The following NR3C1 variants were observed in gnomAD, a reference collection of about 807,000 sequenced individuals.
The protein encoded by NR3C1 is nuclear receptor subfamily 3 group C member 1, also known as glucocorticoid receptor.
A neutral mutation model predicts 74.0 loss-of-function variants in NR3C1; 14 were observed. The observed-to-expected ratio is 0.19, with a 90% CI of 0.12 to 0.30. The LOEUF (loss-of-function observed/expected upper bound fraction) is 0.30. Among genes scored for constraint, NR3C1 ranks in the 10% least tolerant of loss-of-function variants. NR3C1 has a pLI of 1.00. For missense variants in NR3C1, 695 were observed against 909.8 expected, an observed-to-expected ratio of 0.76 and a Z score of 3.04; for synonymous variants, 308 against 332.5, an observed-to-expected ratio of 0.93 and a Z score of 0.80.
At chr5:143,433,717 A>G (rs148337976) in intron 1 of NR3C1, 1 of 152,082 alleles carries the variant, frequency 6.6e-6, no homozygotes, top group Non-Finnish European at 1.5e-5. Flanking sequence ...CTGAGGCCTT[A>G]CCTCTCTCAT....
chr5:143,423,540 T>A (rs1215366184), intron 1 of NR3C1, among the ~76,000 whole-genome samples: 1 of 152,054 alleles, frequency 6.6e-6, no homozygotes, highest in Non-Finnish European at 1.5e-5. Flanking sequence ...GAGAACAGTA[T>A]GAAGGTTCCT....
chr5:143,294,316 C>T (rs1816638079), intron 7 of NR3C1: 1 of 932,638 alleles, frequency 1.1e-6, no homozygotes, highest in Admixed American at 6.2e-5. Flanking sequence ...CAGCTATTAA[C>T]TCAGTATTTA....
chr5:143,326,408 T>C (rs963700839), intron 2 of NR3C1, among the ~76,000 whole-genome samples: 1 of 152,228 alleles, frequency 6.6e-6, no homozygotes, highest in Non-Finnish European at 1.5e-5. Flanking sequence ...AAGCATTCAG[T>C]CACTTCCATT....
chr5:143,435,159 A>G (rs1441654772), exon 1 of NR3C1: 9 of 985,142 alleles, frequency 9.1e-6, no homozygotes, highest in Non-Finnish European at 1.1e-5. Context: ...ACACTAAGCA[A>G]TTTTCCTCCC....
At chr5:143,358,790 C>G (rs761329655) in intron 2 of NR3C1, among the ~76,000 whole-genome samples, 2 of 151,554 alleles carry the variant, frequency 1.3e-5, no homozygotes, top group South Asian at 4.2e-4. Context: ...ATCCCAGCTA[C>G]TTGGGAGGCT....
At chr5:143,403,706 C>G (rs1242195808), upstream of NR3C1, 2 of 984,042 alleles carry the variant, frequency 2.0e-6, no homozygotes, top group Admixed American at 6.2e-5. Context: ...CGCACACACT[C>G]GCACACACGC....
chr5:143,338,033 G>T (rs1252430489), intron 2 of NR3C1, among the ~76,000 whole-genome samples: 1 of 152,136 alleles, frequency 6.6e-6, no homozygotes, highest in Non-Finnish European at 1.5e-5. Context: ...TAAATTGTAT[G>T]TATGGTCATG....
chr5:143,353,290 T>C (rs1830531896), intron 2 of NR3C1, among the ~76,000 whole-genome samples: 1 of 152,174 alleles, frequency 6.6e-6, no homozygotes, highest in Admixed American at 6.5e-5. Flanking sequence ...CTCAAATTCA[T>C]CTATAACTGT....
chr5:143,424,003 A>C (rs1751380585), intron 1 of NR3C1, among the ~76,000 whole-genome samples: 1 of 145,036 alleles, frequency 6.9e-6, no homozygotes, highest in Admixed American at 6.9e-5. Context: ...GTAGGTGGGA[A>C]TTGAACAATG....
intron 7 of NR3C1, among the ~76,000 whole-genome samples, chr5:143,293,712 G>A (rs1034662736): frequency 6.6e-6 from 1 of 151,906 alleles, no homozygotes; most frequent in Non-Finnish European, 1.5e-5. Flanking sequence ...ACCTATTCCA[G>A]TAGTCTATCA....
chr5:143,293,921 C>T lies in NR3C1; in HGVS notation c.2023+1539G>A, dbSNP rs974680987. 6.1e-6 allele frequency: 6 copies of T among 980,058 alleles called. No homozygotes were observed. In the Admixed American group the frequency reaches 3.8e-4, roughly 62 times the overall value. The allele number at this position is 980,058 out of a possible 1,614,324, so 60.7% of individuals were successfully genotyped here. On this transcript the variant is annotated intron_variant, in intron 7 of 8. Coordinates refer to ENST00000394464, the MANE Select transcript of NR3C1 (RefSeq NM_000176.3). Reference sequence around the variant, plus strand: ...TTAGTATCCAGGCACTGAATTATACCTTCATGGTATCAATCAAAGCTATGA... The same window carrying T: ...TTAGTATCCAGGCACTGAATTATACTTTCATGGTATCAATCAAAGCTATGA...
At chr5:143,290,169 T>A (rs1000412048) in intron 7 of NR3C1, among the ~76,000 whole-genome samples, 1 of 152,240 alleles carries the variant, frequency 6.6e-6, no homozygotes, top group Non-Finnish European at 1.5e-5. Context: ...TTAACATCTA[T>A]TTTGCTTGGT....
At chr5:143,428,058 T>C (rs1341791136) in intron 1 of NR3C1, among the ~76,000 whole-genome samples, 1 of 152,230 alleles carries the variant, frequency 6.6e-6, no homozygotes, top group Non-Finnish European at 1.5e-5. Flanking sequence ...AAAATGGGCT[T>C]TTTGACTTAA....
intron 4 of NR3C1, among the ~76,000 whole-genome samples, chr5:143,302,111 G>A (rs1413602721): frequency 1.3e-5 from 2 of 152,028 alleles, no homozygotes; most frequent in Non-Finnish European, 2.9e-5. Context: ...TGTTGTAGCT[G>A]GATATCTGTG....
At chr5:143,385,948 T>A (rs753749536) in intron 2 of NR3C1, among the ~76,000 whole-genome samples, 15 of 152,172 alleles carry the variant, frequency 9.9e-5, no homozygotes, top group Non-Finnish European at 1.9e-4. Context: ...ATTTTCACAG[T>A]GCTATAAAGA....
At chr5:143,391,610 G>T (rs1187066976) in intron 2 of NR3C1, among the ~76,000 whole-genome samples, 1 of 152,040 alleles carries the variant, frequency 6.6e-6, no homozygotes, top group African/African-American at 2.4e-5. Context: ...TTATCACTAT[G>T]GCTATTATGT....
intron 1 of NR3C1, among the ~76,000 whole-genome samples, chr5:143,432,613 G>A (rs935357434): frequency 2.6e-5 from 4 of 152,186 alleles, no homozygotes; most frequent in African/African-American, 9.7e-5. Context: ...TGCTCGGGAT[G>A]AGTTTGTTTA....
At chr5:143,296,273 A>C (rs1013756607) in intron 6 of NR3C1, among the ~76,000 whole-genome samples, 39 of 148,348 alleles carry the variant, frequency 2.6e-4, no homozygotes, top group African/African-American at 8.7e-4. Context: ...AAAATGCTTC[A>C]AGATTTTTTT....
At chr5:143,434,668 T>A in exon 1 of NR3C1, 1 of 985,344 alleles carries the variant, frequency 1.0e-6, no homozygotes, top group African/African-American at 1.7e-5. Flanking sequence ...TCCTCCCCAT[T>A]CTCGCACAGA....
Sources: allele counts gnomAD v4.1 joint callset (sites outside exome capture counted in the v4.1 genomes callset), GRCh38; gene constraint gnomAD v4.1.1; transcripts MANE v1.5; gene names NCBI Gene and HGNC (gene_info 2026-07-23, HGNC 2026-07-21).